NSF: variants seen among roughly 807,000 people sequenced by gnomAD.
NSF encodes N-ethylmaleimide sensitive factor, vesicle fusing ATPase.
NSF carries 14 observed loss-of-function variants against 50.3 expected under a neutral mutation model. The ratio of observed to expected loss-of-function variants is 0.28; its 90% CI spans 0.18 to 0.44. NSF has a LOEUF of 0.44. NSF is among the 20% of genes least tolerant of loss of function. NSF has a pLI of 1.00. For missense variants in NSF, 218 were observed against 504.3 expected (o/e 0.43, Z 5.44); for synonymous variants, 109 against 175.7 (o/e 0.62, Z 3.00).
chr17:46,737,338 A>C (rs913196543), intron 17 of NSF, among the ~76,000 whole-genome samples: 4 of 152,198 alleles, frequency 2.6e-5, no homozygotes, highest in African/African-American at 9.6e-5. Flanking sequence ...AATATAGGAT[A>C]CTTAGTTAAA....
In NSF at chr17:46,708,906, C is replaced by G. The variant is rs535235123; in HGVS notation, c.1471-2057C>G. Among the ~76,000 whole-genome samples the G allele has an allele frequency of 3.4e-5, 5 of 147,544 alleles. No homozygotes were observed. The East Asian group carries it at 1.0e-3, about 29-fold the overall frequency. ...GTGGCGCAATTTTGGCTTACTGCAA[C>G]CTCCGCCTCCTGGGTTCAAGTGATT... On this transcript the variant is annotated intron_variant, in intron 13 of 20. Transcript: ENST00000398238.
At chr17:46,685,407 A>G (rs2058487674) in intron 9 of NSF, among the ~76,000 whole-genome samples, 1 of 151,738 alleles carries the variant, frequency 6.6e-6, no homozygotes, top group Admixed American at 6.6e-5. Context: ...TGCAGGATAT[A>G]TATGTGTGTT....
Position 46,713,875 on chromosome 17 carries a change from T to C in NSF, c.1650T>C (p.Thr550=). The change falls in exon 15 of 21, where the codon ACT becomes ACC. Residue 550 remains threonine, a synonymous_variant. Transcript: ENST00000398238. The stretch of plus-strand genomic sequence containing the variant: ...CAGGCCCTCCTCACAGTGGGAAGAC[T>C]GCTTTAGCTGCAAAAATTGCAGAGG... ...LLEGPPHSGK[T]ALAAKIAEES... 5.6e-6 allele frequency: 9 copies of C among 1,611,930 alleles called. No homozygotes were observed. Among genetic ancestry groups the C allele is most frequent in the Non-Finnish European group, 6.8e-6 (8 of 1,179,476 alleles).
chr17:46,751,941 G>A (rs2059185283), intron 19 of NSF, among the ~76,000 whole-genome samples: 1 of 152,178 alleles, frequency 6.6e-6, no homozygotes, highest in East Asian at 1.9e-4. Flanking sequence ...TACTATGTGA[G>A]CCACAGGCTG....
At chr17:46,751,752 G>A in intron 19 of NSF, 136 bp downstream of exon 19, 1 of 541,778 alleles carries the variant, frequency 1.8e-6, no homozygotes. Context: ...AACTTAATTT[G>A]GTATTAGTAG....
At chr17:46,722,895 G>C (rs926848564) in intron 15 of NSF, among the ~76,000 whole-genome samples, 4 of 152,176 alleles carry the variant, frequency 2.6e-5, no homozygotes, top group African/African-American at 9.7e-5. Flanking sequence ...TGTTAATAGA[G>C]CTTGCTGTGA....
rs181954854 is a variant in NSF, at chr17:46,756,208, G to C, written c.*385G>C. 5.9e-6 allele frequency: 1 copy of C among 169,960 alleles called. No individual in the cohort carries two copies. Among genetic ancestry groups the C allele is most frequent in the Admixed American group, 6.2e-5 (1 of 16,032 alleles). 10.5% of individuals were successfully genotyped at this position (169,960 alleles called of 1,614,324 possible). On this transcript the variant is annotated 3_prime_UTR_variant, in exon 21 of 21. Transcript: ENST00000398238. ...GAATGTTGCATGACAACAGTTGGCCGATTAGAAGGCAGACTTTCTACATGC... is the reference window on the plus strand; with the variant it reads ...GAATGTTGCATGACAACAGTTGGCCCATTAGAAGGCAGACTTTCTACATGC...
intron 8 of NSF, among the ~76,000 whole-genome samples, chr17:46,649,597 G>GCTAA (rs1261970301): frequency 1.3e-5 from 2 of 150,310 alleles, no homozygotes; most frequent in Non-Finnish European, 2.9e-5. Context: ...GAGGGTGGTG[G>GCTAA]CTAATACTTA....
intron 17 of NSF, among the ~76,000 whole-genome samples, chr17:46,736,046 T>C (rs1388566162): frequency 1.3e-5 from 2 of 152,178 alleles, no homozygotes; most frequent in Non-Finnish European, 2.9e-5. Context: ...GAAGTTTCCA[T>C]AGGAAGTGAG....
intron 15 of NSF, chr17:46,722,262 T>TC: frequency 5.8e-6 from 6 of 1,038,892 alleles, no homozygotes; most frequent in Non-Finnish European, 9.0e-6. Context: ...AGATTAATTT[T>TC]GGGGGGAGTC....
intron 17 of NSF, among the ~76,000 whole-genome samples, chr17:46,741,660 A>G (rs988516527): frequency 1.3e-5 from 2 of 152,136 alleles, no homozygotes; most frequent in African/African-American, 4.8e-5. Flanking sequence ...AAGAGGCCCA[A>G]TTCCTCTCCC....
intron 15 of NSF, among the ~76,000 whole-genome samples, chr17:46,721,097 G>A (rs763334429): frequency 6.6e-6 from 1 of 152,138 alleles, no homozygotes. Flanking sequence ...TAATCCCTGC[G>A]TGGCAGAGCC....
chr17:46,751,197 GAAAAGAATGTTA>G (rs1484899969), intron 18 of NSF, among the ~76,000 whole-genome samples: 1 of 152,152 alleles, frequency 6.6e-6, no homozygotes, highest in Non-Finnish European at 1.5e-5. Flanking sequence ...ATTGTTCCTA[GAAAAGAATGTTA>G]AAAATTTTAA....
At chr17:46,749,363 T>A (rs2146337375) in intron 17 of NSF, among the ~76,000 whole-genome samples, 1 of 152,374 alleles carries the variant, frequency 6.6e-6, no homozygotes, top group African/African-American at 2.4e-5. Context: ...CTGCTCCTTC[T>A]AAAAAGTGTA....
intron 9 of NSF, among the ~76,000 whole-genome samples, chr17:46,685,463 A>G (rs1282904500): frequency 1.3e-5 from 2 of 151,966 alleles, no homozygotes; most frequent in Non-Finnish European, 2.9e-5. Flanking sequence ...GACAGTCCAC[A>G]CTGACGGAGA....
At chr17:46,610,027 T>TC (rs2057995651) in intron 1 of NSF, among the ~76,000 whole-genome samples, 2 of 109,544 alleles carry the variant, frequency 1.8e-5, no homozygotes, top group East Asian at 2.1e-4. Flanking sequence ...CTTTCTTTCT[T>TC]TCTCTCTCTC....
intron 13 of NSF, among the ~76,000 whole-genome samples, chr17:46,708,118 C>T (rs997545704): frequency 6.6e-6 from 1 of 151,916 alleles, no homozygotes. Flanking sequence ...GCTTCTGCCA[C>T]GTTTTGGCTA....
At chr17:46,742,199 C>A (rs199443) in intron 17 of NSF, among the ~76,000 whole-genome samples, 1 of 151,990 alleles carries the variant, frequency 6.6e-6, no homozygotes, top group Non-Finnish European at 1.5e-5. Context: ...GCATACATGC[C>A]GTTCATTCTA....
chr17:46,722,881 G>A (rs977334003), intron 15 of NSF, among the ~76,000 whole-genome samples: 4 of 152,122 alleles, frequency 2.6e-5, no homozygotes, highest in Admixed American at 6.5e-5. Flanking sequence ...CGTCATGGTC[G>A]GTGTGTTAAT....
Sources: gnomAD v4.1 joint callset for allele counts (sites outside exome capture counted in the v4.1 genomes callset) on GRCh38, gnomAD v4.1.1 for gene constraint, MANE v1.5 for transcripts, NCBI Gene and HGNC (gene_info 2026-07-23, HGNC 2026-07-21) for gene names.